The following ZSCAN5A variants were observed in gnomAD, a reference collection of about 807,000 sequenced individuals.
The protein encoded by ZSCAN5A is zinc finger and SCAN domain-containing protein 5A.
In ZSCAN5A, 12 loss-of-function variants were observed where a neutral mutation model predicts 23.7. The observed-to-expected ratio is 0.51, with a 90% CI of 0.32 to 0.82. The LOEUF (loss-of-function observed/expected upper bound fraction) is 0.82. Ranked by LOEUF, ZSCAN5A falls within the 40% of genes least tolerant of loss-of-function variation. The pLI, the probability that ZSCAN5A is intolerant of heterozygous loss-of-function variation, is 0.03. For missense variants in ZSCAN5A, 597 were observed against 617.9 expected, an observed-to-expected ratio of 0.97 and a Z score of 0.36; for synonymous variants, 257 against 239.9, an observed-to-expected ratio of 1.07 and a Z score of -0.66.
chr19:56,346,537 A>C (rs1287684705), intron 2 of ZSCAN5A, among the ~76,000 whole-genome samples: 1 of 151,874 alleles, frequency 6.6e-6, no homozygotes, highest in Non-Finnish European at 1.5e-5. Flanking sequence ...AAAAAAAAAA[A>C]AGAAAAAAAG....
chr19:56,366,882 G>A lies in ZSCAN5A; in HGVS notation c.-522+1327C>T, dbSNP rs1307409497. Among the ~76,000 whole-genome samples the A allele has an allele frequency of 4.6e-5, 7 of 152,142 alleles. No homozygotes were observed. In the South Asian group the frequency reaches 8.3e-4, roughly 18 times the overall value. On this transcript the variant is annotated intron_variant, in intron 1 of 6. Coordinates refer to the ZSCAN5A transcript ENST00000587340. Reference sequence around the variant, plus strand: ...CCATGTTACTAAAGACCTATCATGCGGCTCATTTTACCAAGTACATCATAT... The same window carrying A: ...CCATGTTACTAAAGACCTATCATGCAGCTCATTTTACCAAGTACATCATAT...
intron 2 of ZSCAN5A, among the ~76,000 whole-genome samples, chr19:56,285,729 T>G (rs1001779611): frequency 7.9e-5 from 12 of 152,172 alleles, no homozygotes; most frequent in Non-Finnish European, 1.8e-4. Flanking sequence ...TCCGCCCGCC[T>G]TGGCCTCCCA....
intron 2 of ZSCAN5A, among the ~76,000 whole-genome samples, chr19:56,230,673 A>T (rs905901001): frequency 6.6e-6 from 1 of 150,996 alleles, no homozygotes; most frequent in African/African-American, 2.4e-5. Context: ...CATTTAAGAT[A>T]CACCCTCTGA....
chr19:56,362,639 G>C (rs1297621818), intron 2 of ZSCAN5A, among the ~76,000 whole-genome samples: 1 of 152,214 alleles, frequency 6.6e-6, no homozygotes, highest in African/African-American at 2.4e-5. Flanking sequence ...GGAGGCCCAG[G>C]AGGGCAGATC....
intron 2 of ZSCAN5A, among the ~76,000 whole-genome samples, chr19:56,248,413 C>A (rs1045136811): frequency 7.9e-5 from 12 of 152,030 alleles, no homozygotes; most frequent in African/African-American, 2.9e-4. Context: ...ACACACCACA[C>A]CATGTCAGCT....
intron 2 of ZSCAN5A, among the ~76,000 whole-genome samples, chr19:56,346,588 G>A (rs7256716): frequency 0.076 from 11,565 of 151,938 alleles, 667 homozygotes; most frequent in African/African-American, 0.16. Context: ...ATAAACTTTA[G>A]ATATCAACGG....
chr19:56,274,905 G>C (rs769718742), intron 2 of ZSCAN5A: 3 of 152,078 alleles, frequency 2.0e-5, no homozygotes, highest in Non-Finnish European at 4.4e-5. Context: ...TGTCTTTCAC[G>C]ACCCTGAAAC....
intron 2 of ZSCAN5A, among the ~76,000 whole-genome samples, chr19:56,344,100 G>T (rs575047737): frequency 6.6e-6 from 1 of 152,250 alleles, no homozygotes; most frequent in South Asian, 2.1e-4. Flanking sequence ...ACAAAGATCT[G>T]ACCTAACTGA....
intron 2 of ZSCAN5A, chr19:56,322,177 G>A: frequency 1.2e-6 from 1 of 804,458 alleles, no homozygotes; most frequent in African/African-American, 1.7e-5. Flanking sequence ...GTTCTGAAAT[G>A]CAGTCTGCTG....
chr19:56,268,875 T>C (rs1163271471), intron 2 of ZSCAN5A, among the ~76,000 whole-genome samples: 1 of 152,252 alleles, frequency 6.6e-6, no homozygotes, highest in Non-Finnish European at 1.5e-5. Context: ...AATGGAATCA[T>C]ACACTAGGTA....
Position 56,357,010 on chromosome 19 carries a change from A to G in ZSCAN5A, c.-358+6225T>C, listed in dbSNP as rs145060738. 8.2e-4 allele frequency among the ~76,000 whole-genome samples: 122 copies of G among 148,928 alleles called. 5 individuals carry two copies. In the East Asian group the frequency reaches 0.019, roughly 23 times the overall value. On this transcript the variant is annotated intron_variant, in intron 2 of 6. Coordinates refer to the ZSCAN5A transcript ENST00000587340. ...ATCCTCATATTTAAAGGATATTTTC[A>G]TAGGATATAGCATTAAGTATTTTTT...
intron 2 of ZSCAN5A, among the ~76,000 whole-genome samples, chr19:56,264,070 T>C (rs986755767): frequency 6.6e-6 from 1 of 151,808 alleles, no homozygotes; most frequent in African/African-American, 2.4e-5. Context: ...CTTGGCTCAC[T>C]GCAACCTCCG....
chr19:56,250,764 C>T (rs1295576218), intron 2 of ZSCAN5A, among the ~76,000 whole-genome samples: 1 of 152,182 alleles, frequency 6.6e-6, no homozygotes, highest in African/African-American at 2.4e-5. Context: ...GGCAGCCATA[C>T]TGAGTATGAA....
Position 56,273,693 on chromosome 19 carries a change from T to C in ZSCAN5A, c.-128+39590A>G, listed in dbSNP as rs1268397250. Among the ~76,000 whole-genome samples, 4 of 151,904 alleles carry C rather than the reference T, an allele frequency of 2.6e-5. No individual in the cohort carries two copies. The South Asian group carries it at 6.2e-4, about 24-fold the overall frequency. Reference sequence around the variant, plus strand: ...AGAGGCCGGTGTGTCAGGAACGTGGTAGGCAGAAGGAGGGGCATGGTGGTG... The same window carrying C: ...AGAGGCCGGTGTGTCAGGAACGTGGCAGGCAGAAGGAGGGGCATGGTGGTG... On this transcript the variant is annotated intron_variant, in intron 2 of 5. Coordinates refer to ENST00000683990, the MANE Select transcript of ZSCAN5A (RefSeq NM_001322064.3).
chr19:56,227,502 TA>T (rs2034063598), intron 2 of ZSCAN5A, among the ~76,000 whole-genome samples: 1 of 152,132 alleles, frequency 6.6e-6, no homozygotes, highest in African/African-American at 2.4e-5. Context: ...ATCCTGTCTC[TA>T]AAAAAGAAAG....
At chr19:56,350,984 A>G (rs1437171176) in intron 2 of ZSCAN5A, among the ~76,000 whole-genome samples, 1 of 151,942 alleles carries the variant, frequency 6.6e-6, no homozygotes, top group African/African-American at 2.4e-5. Context: ...AGAAGGCCCA[A>G]TTGCTGTCCC....
chr19:56,348,848 A>T (rs528745829), intron 2 of ZSCAN5A, among the ~76,000 whole-genome samples: 1 of 152,302 alleles, frequency 6.6e-6, no homozygotes, highest in South Asian at 2.1e-4. Context: ...GCTAAGTCAA[A>T]GGCATGAAAG....
At chr19:56,270,333 G>A (rs913179311) in intron 2 of ZSCAN5A, among the ~76,000 whole-genome samples, 3 of 152,108 alleles carry the variant, frequency 2.0e-5, no homozygotes, top group Non-Finnish European at 2.9e-5. Context: ...CAGGAGAATC[G>A]TTTGAACCCA....
chr19:56,338,561 C>T (rs2041562912), intron 2 of ZSCAN5A: 2 of 152,370 alleles, frequency 1.3e-5, no homozygotes, highest in African/African-American at 4.8e-5. Flanking sequence ...AGGAAGACTA[C>T]AGCAAAGGTC....
Sources: gnomAD v4.1 joint callset for allele counts (sites outside exome capture counted in the v4.1 genomes callset) on GRCh38, gnomAD v4.1.1 for gene constraint, MANE v1.5 for transcripts, NCBI Gene and HGNC (gene_info 2026-07-23, HGNC 2026-07-21) for gene names.